The following NPAS1 variants were observed in gnomAD, a reference collection of about 807,000 sequenced individuals.
NPAS1 encodes neuronal PAS domain-containing protein 1.
NPAS1 carries 29 observed loss-of-function variants against 49.2 expected under a neutral mutation model. The ratio of observed to expected loss-of-function variants is 0.59; its 90% CI spans 0.44 to 0.80. NPAS1 has a LOEUF of 0.80. Among genes scored for constraint, NPAS1 ranks in the 30% least tolerant of loss-of-function variants. NPAS1 has a pLI of 0.00. For missense variants in NPAS1, 825 were observed against 835.5 expected (o/e 0.99, Z 0.15); for synonymous variants, 408 against 380.4 (o/e 1.07, Z -0.84).
chr19:47,038,978 G>C (rs574140757), intron 6 of NPAS1, 58 bp from the exon 7 acceptor site: 7 of 1,466,264 alleles, frequency 4.8e-6, no homozygotes, highest in Non-Finnish European at 6.7e-6. Context: ...CAAGGGTCAG[G>C]GTGGCCTGTG....
chr19:47,032,865 G>A, intron 5 of NPAS1, 133 bp downstream of exon 5: 1 of 670,654 alleles, frequency 1.5e-6, no homozygotes, highest in Non-Finnish European at 2.6e-6. Flanking sequence ...TCCCCAAAGT[G>A]TGTTCCTTGG....
rs80292712 is a variant in NPAS1 at position 47,022,321 on chromosome 19, T to C, written c.358+474T>C. Among the ~76,000 whole-genome samples, 619 of 152,274 alleles carry C rather than the reference T, an allele frequency of 4.1e-3. 2 individuals are homozygous for C. Among genetic ancestry groups the C allele is most frequent in the Non-Finnish European group, 3.7e-3 (255 of 68,020 alleles). On this transcript the variant is annotated intron_variant, in intron 3 of 11. Transcript: ENST00000602212. ...GAGGAGCAAGAGGGAGACAGTATGA[T>C]GTGGCGGATGAGATGGGGAACTTCA...
At position 47,019,917 on chromosome 19, in the gene NPAS1, C is replaced by T. The variant is rs1413731799; in HGVS notation, c.-123C>T. On this transcript the variant is annotated 5_prime_UTR_variant, in exon 1 of 12. Transcript: ENST00000602212. ...GCGCGCCCCGGGGTCTATGGAGCTGCCCCTCCGCGCCGCCCGGCCGGCCCC... is the reference window on the plus strand; with the variant it reads ...GCGCGCCCCGGGGTCTATGGAGCTGTCCCTCCGCGCCGCCCGGCCGGCCCC... The T allele has an allele frequency of 1.3e-5, 5 of 385,018 alleles. No homozygotes were observed. The highest frequency in any genetic ancestry group is 2.3e-5 in the Non-Finnish European group (5 of 217,310). 23.9% of individuals were successfully genotyped at this position (385,018 alleles called of 1,614,324 possible). A position where few individuals can be genotyped will look rare whatever the true frequency, so the allele number is the denominator to read the frequency against.
chr19:47,021,451 G>A lies in NPAS1; in HGVS notation c.123-161G>A, dbSNP rs2056840668. ...CGAGGTTCTGTCCCTGGGTCGGAGT[G>A]TAAAATCCACACTCCGGTCTGCTCC... On this transcript the variant is annotated intron_variant, in intron 2 of 11. Coordinates refer to ENST00000602212, the MANE Select transcript of NPAS1 (RefSeq NM_002517.4). This position sits in a 1 kb window ranked among gnomAD's most constrained non-coding sequence, Gnocchi z 5.7. Among the ~76,000 whole-genome samples, 1 of 152,154 alleles carries A rather than the reference G, an allele frequency of 6.6e-6. No individual in the cohort carries two copies. The highest frequency in any genetic ancestry group is 1.5e-5 in the Non-Finnish European group (1 of 68,008).
chr19:47,029,449 G>A (rs190231400), intron 3 of NPAS1, among the ~76,000 whole-genome samples: 3 of 151,588 alleles, frequency 2.0e-5, no homozygotes, highest in East Asian at 1.9e-4. Context: ...GCCCAGGCTG[G>A]AGTGCAGTGG....
Position 47,037,386 on chromosome 19 carries a change from C to T in NPAS1, c.688+1257C>T, listed in dbSNP as rs1198697001. ...AAAAAAAATTGCATTAGATCCTAAGCGCAGGCCCACAATGCAAGAAGTGTT... is the reference window on the plus strand; with the variant it reads ...AAAAAAAATTGCATTAGATCCTAAGTGCAGGCCCACAATGCAAGAAGTGTT... On this transcript the variant is annotated intron_variant, in intron 6 of 11. Transcript: ENST00000602212. Among the ~76,000 whole-genome samples the T allele has an allele frequency of 1.6e-4, 23 of 147,062 alleles. 1 individual carries two copies. The Admixed American group carries it at 1.6e-3, about 10-fold the overall frequency.
At chr19:47,044,899 A>G (rs2057058011) in intron 11 of NPAS1, among the ~76,000 whole-genome samples, 1 of 152,074 alleles carries the variant, frequency 6.6e-6, no homozygotes, top group Non-Finnish European at 1.5e-5. Flanking sequence ...GTGTGGTGGC[A>G]CACACCTGTA....
At chr19:47,038,361 A>G (rs2056982232) in intron 6 of NPAS1, among the ~76,000 whole-genome samples, 1 of 150,740 alleles carries the variant, frequency 6.6e-6, no homozygotes, top group African/African-American at 2.4e-5. Context: ...TACTAAAAAT[A>G]CAAAAACTAG....
chr19:47,036,071 G>C lies in NPAS1; in HGVS notation c.630G>C (p.Pro210=), dbSNP rs113120604. ...LRTPTPGPPT[P]PSVSSSSSSS... is the part of the protein sequence containing the mutation. ...CGCCGACGCCCGGCCCCCCAACCCC[G>C]CCCTCCGTCTCCTCTTCCTCCTCCT... Residue 210 remains proline (P), a synonymous_variant, in exon 6 of 12, where the codon CCG becomes CCC. Transcript: ENST00000602212. The C allele has an allele frequency of 6.3e-7, 1 of 1,595,262 alleles. No individual in the cohort carries two copies. The highest frequency in any genetic ancestry group is 8.5e-7 in the Non-Finnish European group (1 of 1,171,186).
In NPAS1 at chr19:47,045,701, A is replaced by G; in HGVS notation, c.*50A>G. 1 of 1,344,920 alleles carries G rather than the reference A, an allele frequency of 7.4e-7. No homozygotes were observed. Among genetic ancestry groups the G allele is most frequent in the South Asian group, 1.6e-5 (1 of 62,654 alleles). The allele number at this position is 1,344,920 out of a possible 1,614,324, so 83.3% of individuals were successfully genotyped here. Reference sequence around the variant, plus strand: ...GACCCTGCGACAACCGGGGTCCCCCAGGACAGTAGGCCCGGCTCTGCCCGT... The same window carrying G: ...GACCCTGCGACAACCGGGGTCCCCCGGGACAGTAGGCCCGGCTCTGCCCGT... On this transcript the variant is annotated 3_prime_UTR_variant, in exon 12 of 12. Coordinates refer to ENST00000602212, the MANE Select transcript of NPAS1 (RefSeq NM_002517.4).
chr19:47,028,390 C>T (rs1436007197), intron 3 of NPAS1, among the ~76,000 whole-genome samples: 1 of 152,038 alleles, frequency 6.6e-6, no homozygotes, highest in Non-Finnish European at 1.5e-5. Context: ...GAGGAGGAAG[C>T]TCAGCCCAGA....
chr19:47,040,734 TG>T (rs2057010265), intron 9 of NPAS1, 184 bp downstream of exon 9: 3 of 590,030 alleles, frequency 5.1e-6, no homozygotes, highest in African/African-American at 1.9e-5. Flanking sequence ...TCAGGATGTG[TG>T]TGTGGGGGGG....
At chr19:47,020,172 C>T (rs1599888591) in intron 1 of NPAS1, among the ~76,000 whole-genome samples, 175 bp downstream of exon 1, 1 of 131,976 alleles carries the variant, frequency 7.6e-6, no homozygotes, top group South Asian at 2.4e-4. Flanking sequence ...GACCTGGACA[C>T]GGGGGTCTGG....
At chr19:47,029,687 C>G (rs1279623899) in intron 3 of NPAS1, among the ~76,000 whole-genome samples, 1 of 152,192 alleles carries the variant, frequency 6.6e-6, no homozygotes, top group Non-Finnish European at 1.5e-5. Context: ...AGGTGTGAGC[C>G]ACAGTGCCCG....
At chr19:47,022,433 A>G (rs1285299896) in intron 3 of NPAS1, among the ~76,000 whole-genome samples, 1 of 152,202 alleles carries the variant, frequency 6.6e-6, no homozygotes, top group Non-Finnish European at 1.5e-5. Context: ...CTGTGCCTTA[A>G]TGTGAAGTGG....
chr19:47,025,658 C>T (rs1423195183), intron 3 of NPAS1, among the ~76,000 whole-genome samples: 1 of 152,086 alleles, frequency 6.6e-6, no homozygotes, highest in African/African-American at 2.4e-5. Flanking sequence ...TCACTGCAGC[C>T]TCCACCTACT....
rs777110466 is a variant in NPAS1 at position 47,035,916 on chromosome 19, TGC to T, written c.523-41_523-40del. On this transcript the variant is annotated intron_variant, in intron 5 of 11. Transcript: ENST00000602212. ...TGAGCCCAGAGGGCGAGCGAGTTAC[TGC>T]GCGCGCACCTCACCCGCCCCCTGCA... 5 of 1,463,892 alleles carry T rather than the reference TGC, an allele frequency of 3.4e-6. No homozygotes were observed. In the South Asian group the frequency reaches 5.8e-5, roughly 17 times the overall value. 90.7% of individuals were successfully genotyped at this position (1,463,892 alleles called of 1,614,324 possible).
chr19:47,030,658 T>A (rs1159982576), intron 3 of NPAS1, among the ~76,000 whole-genome samples: 1 of 85,370 alleles, frequency 1.2e-5, no homozygotes, highest in Admixed American at 1.2e-4. Flanking sequence ...TTTTTTTTTT[T>A]TTTTTTTTTG....
In NPAS1 at chr19:47,042,905, G is replaced by T; in HGVS notation, c.1312+1G>T. ...TCCAGCCCGGGGCCAGAGCCCACAG[G>T]TGAGCCCCACCTCCCACCTTGGCCC... On this transcript the variant is annotated splice_donor_variant, in intron 11 of 11. Transcript: ENST00000602212. LOFTEE classifies it high-confidence loss of function. The T allele has an allele frequency of 6.3e-7, 1 of 1,588,416 alleles. No individual in the cohort carries two copies. Among genetic ancestry groups the T allele is most frequent in the Non-Finnish European group, 8.6e-7 (1 of 1,167,558 alleles).
Sources: gnomAD v4.1 joint callset for allele counts (sites outside exome capture counted in the v4.1 genomes callset) on GRCh38, gnomAD v4.1.1 for gene constraint, Gnocchi (gnomAD v3.1) non-coding constraint, MANE v1.5 for transcripts, NCBI Gene and HGNC (gene_info 2026-07-23, HGNC 2026-07-21) for gene names.